Variants in SOX6 observed in about 807,000 individuals in gnomAD.
SOX6 encodes the protein transcription factor SOX-6.
SOX6 carries 11 observed loss-of-function variants against 97.8 expected under a neutral mutation model. The observed-to-expected ratio is 0.11, with a 90% CI of 0.07 to 0.19. The LOEUF is 0.19. Ranked by LOEUF, SOX6 falls within the 10% of genes least tolerant of loss-of-function variation. The pLI is 1.00. For synonymous variants in SOX6, 360 were observed against 371.4 expected, an observed-to-expected ratio of 0.97 and a Z score of 0.35; for missense variants, 810 against 1,039.5, an observed-to-expected ratio of 0.78 and a Z score of 3.04.
chr11:16,155,105 T>G (rs1347607337), intron 6 of SOX6, among the ~76,000 whole-genome samples: 5 of 152,090 alleles, frequency 3.3e-5, no homozygotes, highest in African/African-American at 7.2e-5. Context: ...GGCCACTCTA[T>G]CTCTATGTTC....
intron 3 of SOX6, among the ~76,000 whole-genome samples, chr11:16,656,835 C>G (rs905749152): frequency 5.3e-5 from 8 of 152,066 alleles, no homozygotes; most frequent in African/African-American, 1.9e-4. Flanking sequence ...TTTAGGTTTA[C>G]AGAAAATTGG....
At chr11:16,349,089 A>G (rs1031144254) in intron 1 of SOX6, among the ~76,000 whole-genome samples, 1 of 152,158 alleles carries the variant, frequency 6.6e-6, no homozygotes, top group African/African-American at 2.4e-5. Context: ...CCCGCACTCC[A>G]AAGATTCCTA....
chr11:16,724,565 T>C (rs2134055937), intron 2 of SOX6, among the ~76,000 whole-genome samples: 1 of 152,152 alleles, frequency 6.6e-6, no homozygotes, highest in South Asian at 2.1e-4. Flanking sequence ...ATGTAAAATT[T>C]GGAACTCATC....
At position 16,000,261 on chromosome 11, in the gene SOX6, C is replaced by T. The variant is rs935021223; in HGVS notation, c.1733-11031G>A. On this transcript the variant is annotated intron_variant, in intron 13 of 15. Coordinates refer to ENST00000683767, the MANE Select transcript of SOX6 (RefSeq NM_001367873.1). ...TTGGCAGGCAAAATACATTCCATGGCGGAGCAAGAGCCTTAATCATTAAGG... is the reference window on the plus strand; with the variant it reads ...TTGGCAGGCAAAATACATTCCATGGTGGAGCAAGAGCCTTAATCATTAAGG... Among the ~76,000 whole-genome samples the T allele has an allele frequency of 3.3e-5, 5 of 152,030 alleles. No individual in the cohort carries two copies. In the East Asian group the frequency reaches 7.7e-4, roughly 24 times the overall value.
At chr11:16,381,471 T>C (rs1291253172) in intron 1 of SOX6, among the ~76,000 whole-genome samples, 2 of 152,074 alleles carry the variant, frequency 1.3e-5, no homozygotes, top group Non-Finnish European at 2.9e-5. Flanking sequence ...CAGCCTGTTC[T>C]GTTAAAACTT....
chr11:16,443,087 C>G (rs192142434), intron 1 of SOX6, among the ~76,000 whole-genome samples: 1 of 151,986 alleles, frequency 6.6e-6, no homozygotes, highest in Non-Finnish European at 1.5e-5. Flanking sequence ...AAATATTATA[C>G]CCCCATATTA....
chr11:16,635,131 A>G (rs1242241941), intron 3 of SOX6, among the ~76,000 whole-genome samples: 1 of 152,222 alleles, frequency 6.6e-6, no homozygotes, highest in East Asian at 1.9e-4. Flanking sequence ...AATTGGTACC[A>G]GGTAGTGGGG....
At chr11:16,555,048 C>G (rs1182765362) in intron 4 of SOX6, among the ~76,000 whole-genome samples, 1 of 151,968 alleles carries the variant, frequency 6.6e-6, no homozygotes, top group African/African-American at 2.4e-5. Context: ...GACTACTTCT[C>G]TAAATGTTTC....
At chr11:16,231,140 A>G (rs1175880989) in intron 4 of SOX6, among the ~76,000 whole-genome samples, 2 of 151,794 alleles carry the variant, frequency 1.3e-5, no homozygotes, top group African/African-American at 4.8e-5. Context: ...GCCTTTCTAA[A>G]CAAACCCCCT....
intron 3 of SOX6, among the ~76,000 whole-genome samples, chr11:16,622,058 T>C (rs1848551733): frequency 6.6e-6 from 1 of 152,196 alleles, no homozygotes; most frequent in South Asian, 2.1e-4. Context: ...TGATTTTACT[T>C]TTCTTAAAGT....
chr11:16,480,352 G>C (rs113126075), upstream of SOX6, among the ~76,000 whole-genome samples: 2 of 151,898 alleles, frequency 1.3e-5, no homozygotes, highest in African/African-American at 2.4e-5. Context: ...CCCAGATCTA[G>C]GATAACTTGC....
At chr11:16,616,636 A>C (rs905486084) in intron 3 of SOX6, among the ~76,000 whole-genome samples, 4 of 151,952 alleles carry the variant, frequency 2.6e-5, no homozygotes, top group Non-Finnish European at 5.9e-5. Flanking sequence ...TTTATAATAG[A>C]TATTAATTCA....
intron 4 of SOX6, among the ~76,000 whole-genome samples, chr11:16,514,351 C>A (rs1471093023): frequency 6.6e-6 from 1 of 152,002 alleles, no homozygotes; most frequent in Admixed American, 6.6e-5. Context: ...AGTAGGTCAG[C>A]CCAAAAGAAA....
chr11:16,323,252 A>T (rs1186014609), intron 2 of SOX6, among the ~76,000 whole-genome samples: 1 of 152,234 alleles, frequency 6.6e-6, no homozygotes, highest in Admixed American at 6.5e-5. Context: ...CAGTAGTATC[A>T]AAAATAGTTA....
intron 3 of SOX6, among the ~76,000 whole-genome samples, chr11:16,275,492 A>C (rs1449460437): frequency 6.8e-6 from 1 of 146,146 alleles, no homozygotes; most frequent in Non-Finnish European, 1.5e-5. Context: ...CAAAACAAAA[A>C]AACACCTCTT....
At chr11:16,501,252 G>A (rs1860701656) in intron 4 of SOX6, among the ~76,000 whole-genome samples, 1 of 152,176 alleles carries the variant, frequency 6.6e-6, no homozygotes, top group Admixed American at 6.5e-5. Flanking sequence ...AAACTGGCTA[G>A]CCATATGTAG....
chr11:16,193,938 T>C (rs990874770), intron 4 of SOX6, among the ~76,000 whole-genome samples: 2 of 152,212 alleles, frequency 1.3e-5, no homozygotes, highest in Non-Finnish European at 2.9e-5. Context: ...ACACATCTGA[T>C]GGACTGTGAT....
chr11:16,710,235 T>C (rs1848168420), intron 3 of SOX6, among the ~76,000 whole-genome samples: 1 of 152,224 alleles, frequency 6.6e-6, no homozygotes, highest in Admixed American at 6.5e-5. Flanking sequence ...AAAATTATCA[T>C]AAAACTAGAG....
intron 13 of SOX6, among the ~76,000 whole-genome samples, chr11:16,008,832 C>A (rs1024501696): frequency 3.3e-5 from 5 of 152,046 alleles, no homozygotes; most frequent in Non-Finnish European, 7.4e-5. Context: ...TTTTGTGATA[C>A]TCATACAACA....
Sources: allele counts gnomAD v4.1 joint callset (sites outside exome capture counted in the v4.1 genomes callset), GRCh38; gene constraint gnomAD v4.1.1; transcripts MANE v1.5; gene names NCBI Gene and HGNC (gene_info 2026-07-23, HGNC 2026-07-21).